The following CERS3 variants were observed in gnomAD, a reference collection of about 807,000 sequenced individuals.
CERS3 encodes LAG1 homolog, ceramide synthase 3.
A neutral mutation model predicts 50.3 loss-of-function variants in CERS3; 33 were observed. That is an observed-to-expected ratio of 0.66 (90% CI 0.50 to 0.88). The LOEUF is 0.88. CERS3 is among the 40% of genes least tolerant of loss of function. The probability of loss-of-function intolerance (pLI) is 0.00; values close to 1 mark genes in which losing one functional copy is unlikely to be tolerated. For synonymous variants in CERS3, 176 were observed against 155.2 expected, an observed-to-expected ratio of 1.13 and a Z score of -0.99; for missense variants, 470 against 460.3, an observed-to-expected ratio of 1.02 and a Z score of -0.19.
chr15:100,501,730 G>A lies in CERS3; in HGVS notation c.120C>T (p.Tyr40=), dbSNP rs368684695. ...AGAGAAAAGCATATGGAATTGTCACGTATAAATGAGAAGGTTTTACAAAGA... is the reference window on the plus strand; with the variant it reads ...AGAGAAAAGCATATGGAATTGTCACATATAAATGAGAAGGTTTTACAAAGA... ...GLVFVKPSHL[Y]VTIPYAFLLL... is the part of the protein sequence containing the mutation. Residue 40 remains tyrosine (Y), a synonymous_variant, in exon 3 of 12, where the codon TAC becomes TAT. Transcript: ENST00000679737. The A allele has an allele frequency of 1.1e-5, 18 of 1,613,720 alleles. No homozygotes were observed. Among genetic ancestry groups the A allele is most frequent in the South Asian group, 2.2e-5 (2 of 91,082 alleles).
chr15:100,543,511 C>T (rs893941736), intron 1 of CERS3, among the ~76,000 whole-genome samples: 8 of 150,636 alleles, frequency 5.3e-5, no homozygotes, highest in African/African-American at 9.8e-5. Context: ...TCCCTCCCTT[C>T]CTCTCCCTCC....
At chr15:100,441,436 A>G (rs1237840545) in intron 11 of CERS3, among the ~76,000 whole-genome samples, 1 of 133,896 alleles carries the variant, frequency 7.5e-6, no homozygotes, top group Non-Finnish European at 1.6e-5. Flanking sequence ...TCCACGCCCC[A>G]ACCCCTTTCT....
At chr15:100,450,513 T>G (rs1367950805) in intron 11 of CERS3, among the ~76,000 whole-genome samples, 2 of 122,358 alleles carry the variant, frequency 1.6e-5, no homozygotes, top group African/African-American at 6.2e-5. Flanking sequence ...TAGATAAAAA[T>G]AAAGAAAAAA....
intron 11 of CERS3, among the ~76,000 whole-genome samples, chr15:100,432,793 C>T (rs545160798): frequency 1.3e-5 from 2 of 152,226 alleles, no homozygotes; most frequent in Admixed American, 6.5e-5. Context: ...TGTATTTAGC[C>T]TGCAGAAACA....
intron 11 of CERS3, among the ~76,000 whole-genome samples, chr15:100,408,416 C>A (rs1380235084): frequency 2.0e-5 from 3 of 152,150 alleles, no homozygotes; most frequent in Non-Finnish European, 2.9e-5. Context: ...ACAGCACTGG[C>A]CAACTTCATG....
rs34873483 is a variant in CERS3, at chr15:100,450,416, CAAAA to C, written c.999+5473_999+5476del. ...CTGGCAACACAGCAAGACTCTGTCT[CAAAA>C]AAAAAAAAAAAAAAAAAAAGACTAG... On this transcript the variant is annotated intron_variant, in intron 11 of 11. Transcript: ENST00000679737. 1.3e-4 allele frequency among the ~76,000 whole-genome samples: 8 copies of C among 63,462 alleles called. No homozygotes were observed. In the South Asian group the frequency reaches 6.2e-3, roughly 49 times the overall value. 41.6% of individuals were successfully genotyped at this position (63,462 alleles called of 152,430 possible).
At chr15:100,497,915 G>A (rs1226732429) in intron 3 of CERS3, among the ~76,000 whole-genome samples, 1 of 113,788 alleles carries the variant, frequency 8.8e-6, no homozygotes, top group South Asian at 2.8e-4. Context: ...TTTTTTTTGA[G>A]ATGGAGTCTC....
intron 2 of CERS3, among the ~76,000 whole-genome samples, chr15:100,505,386 T>C (rs759614841): frequency 5.3e-5 from 8 of 152,240 alleles, no homozygotes; most frequent in Non-Finnish European, 8.8e-5. Context: ...TTAAGATCTG[T>C]TGAAAGCCAT....
intron 1 of CERS3, among the ~76,000 whole-genome samples, chr15:100,535,489 T>C (rs1417897833): frequency 6.6e-6 from 1 of 152,160 alleles, no homozygotes; most frequent in Admixed American, 6.6e-5. Flanking sequence ...GCAAAAGTGT[T>C]CACACAAGTG....
intron 3 of CERS3, among the ~76,000 whole-genome samples, chr15:100,499,932 G>A (rs2035947438): frequency 6.6e-6 from 1 of 152,176 alleles, no homozygotes; most frequent in Non-Finnish European, 1.5e-5. Context: ...TTAACTGTGT[G>A]ACCTTGGCCA....
intron 11 of CERS3, among the ~76,000 whole-genome samples, chr15:100,454,121 T>G (rs2034273336): frequency 6.6e-6 from 1 of 152,200 alleles, no homozygotes; most frequent in Admixed American, 6.5e-5. Flanking sequence ...CCAGGCATAG[T>G]GCCTCACACC....
chr15:100,534,081 G>A (rs1175805069), intron 1 of CERS3, among the ~76,000 whole-genome samples: 2 of 152,218 alleles, frequency 1.3e-5, no homozygotes, highest in Admixed American at 6.5e-5. Context: ...CTCTCAACAC[G>A]ACTGTCTCTC....
intron 2 of CERS3, among the ~76,000 whole-genome samples, chr15:100,504,078 C>T (rs1009970240): frequency 1.3e-5 from 2 of 151,752 alleles, no homozygotes; most frequent in African/African-American, 4.8e-5. Flanking sequence ...CCCCAATGTC[C>T]TTCAGAAAGA....
At chr15:100,414,750 C>T (rs1455711083) in intron 11 of CERS3, among the ~76,000 whole-genome samples, 2 of 151,320 alleles carry the variant, frequency 1.3e-5, no homozygotes, top group African/African-American at 4.9e-5. Flanking sequence ...AACTGGACCC[C>T]TTCTTTACAC....
chr15:100,486,798 C>T (rs1312131583), intron 4 of CERS3, among the ~76,000 whole-genome samples: 1 of 152,236 alleles, frequency 6.6e-6, no homozygotes, highest in Non-Finnish European at 1.5e-5. Context: ...GTGCCAGGCA[C>T]CATCTAGGTG....
upstream of CERS3, among the ~76,000 whole-genome samples, chr15:100,533,209 C>T (rs148199721): frequency 1.3e-5 from 2 of 152,308 alleles, no homozygotes; most frequent in African/African-American, 4.8e-5. Flanking sequence ...CCTACAAACT[C>T]CAGCCCCTCT....
At chr15:100,479,529 G>C in intron 6 of CERS3, 51 bp from the exon 7 acceptor site, 1 of 1,425,230 alleles carries the variant, frequency 7.0e-7, no homozygotes, top group Non-Finnish European at 9.7e-7. Context: ...AAATTGGTCG[G>C]TGTCAAAGGT....
chr15:100,469,423 A>C lies in CERS3; in HGVS notation c.800T>G (p.Phe267Cys). ...TQTCNTLFFI[F>C]STIFFISRLI... ...GCGGCTGATGAAAAATATGGTGGAGAAGATGAAAAACAGGGTGTTACAGGT... is the reference window on the plus strand; with the variant it reads ...GCGGCTGATGAAAAATATGGTGGAGCAGATGAAAAACAGGGTGTTACAGGT... Residue 267 changes from phenylalanine (F) to cysteine (C), a missense_variant, in exon 10 of 12, where the codon TTC (phenylalanine) becomes TGC (cysteine). Physicochemically the swap from Phe to Cys is radical, Grantham distance 205 (BLOSUM62 -2). Transcript: ENST00000679737. 1 of 1,614,112 alleles carries C rather than the reference A, an allele frequency of 6.2e-7. No homozygotes were observed. The highest frequency in any genetic ancestry group is 8.5e-7 in the Non-Finnish European group (1 of 1,179,964).
At chr15:100,498,545 T>C (rs1277956187) in intron 3 of CERS3, among the ~76,000 whole-genome samples, 2 of 152,222 alleles carry the variant, frequency 1.3e-5, no homozygotes, top group South Asian at 2.1e-4. Context: ...CCCATGTAAA[T>C]GGTTCAAAGT....
Sources: allele counts gnomAD v4.1 joint callset (sites outside exome capture counted in the v4.1 genomes callset), GRCh38; gene constraint gnomAD v4.1.1; transcripts MANE v1.5; gene names NCBI Gene and HGNC (gene_info 2026-07-23, HGNC 2026-07-21).